Variants in GALNT13 observed in about 807,000 individuals in gnomAD.
GALNT13 encodes UDP-GalNAc:polypeptide N-acetylgalactosaminyltransferase 13.
A neutral mutation model predicts 64.2 loss-of-function variants in GALNT13; 28 were observed. The observed-to-expected ratio is 0.44, with a 90% confidence interval of 0.32 to 0.60. The LOEUF (loss-of-function observed/expected upper bound fraction) is 0.60, where lower values mean the gene tolerates loss of function less well. Ranked by LOEUF, GALNT13 falls within the 20% of genes least tolerant of loss-of-function variation. The pLI, the probability that GALNT13 is intolerant of heterozygous loss-of-function variation, is 0.05. For synonymous variants in GALNT13, 214 were observed against 224.6 expected, an observed-to-expected ratio of 0.95 and a Z score of 0.42; for missense variants, 577 against 669.8, an observed-to-expected ratio of 0.86 and a Z score of 1.53.
At chr2:153,866,809 T>C in the GALNT13 span, among the ~76,000 whole-genome samples, 2 of 152,194 alleles carry the variant, frequency 1.3e-5, no homozygotes, top group East Asian at 3.8e-4. Flanking sequence ...TTTTAAATGA[T>C]TGTGTAATAG....
intron 9 of GALNT13, among the ~76,000 whole-genome samples, chr2:154,309,768 C>A (rs894004366): frequency 1.3e-5 from 2 of 152,138 alleles, no homozygotes; most frequent in Non-Finnish European, 2.9e-5. Flanking sequence ...CAAACCACAG[C>A]AGCCTCCCTT....
chr2:154,218,832 G>C (rs1688180506), intron 4 of GALNT13, among the ~76,000 whole-genome samples: 2 of 151,874 alleles, frequency 1.3e-5, no homozygotes, highest in Non-Finnish European at 2.9e-5. Context: ...ATTGTCTGTT[G>C]ATTTTCCATT....
chr2:154,344,287 TGACA>T (rs1294969536), intron 9 of GALNT13, among the ~76,000 whole-genome samples: 1 of 109,510 alleles, frequency 9.1e-6, no homozygotes, highest in African/African-American at 2.7e-5. Flanking sequence ...TTGACTCGCC[TGACA>T]AAGACTTCCA....
chr2:153,803,162 C>G, the GALNT13 span, among the ~76,000 whole-genome samples: 2 of 152,266 alleles, frequency 1.3e-5, no homozygotes, highest in South Asian at 4.1e-4. Flanking sequence ...GTCTATGAGC[C>G]TCAAGCTCGT....
chr2:154,405,713 C>T lies in GALNT13; in HGVS notation c.1297-3271C>T, dbSNP rs569889419. On this transcript the variant is annotated intron_variant, in intron 10 of 12. Transcript: ENST00000392825. Reference sequence around the variant, plus strand: ...TGGGCGACAGAGTGAGACTGTATCTCGAAAAATAAAATAATGACTATAATT... The same window carrying T: ...TGGGCGACAGAGTGAGACTGTATCTTGAAAAATAAAATAATGACTATAATT... Among the ~76,000 whole-genome samples the T allele has an allele frequency of 9.9e-4, 150 of 151,562 alleles. 2 individuals carry two copies. Among genetic ancestry groups the T allele is most frequent in the Non-Finnish European group, 1.7e-3 (117 of 67,958 alleles).
At chr2:153,692,128 G>T in the GALNT13 span, among the ~76,000 whole-genome samples, 4 of 152,040 alleles carry the variant, frequency 2.6e-5, no homozygotes, top group Non-Finnish European at 4.4e-5. Flanking sequence ...AATGAAACAA[G>T]CACAAAGAAG....
At chr2:153,601,629 A>G in the GALNT13 span, among the ~76,000 whole-genome samples, 59 of 151,810 alleles carry the variant, frequency 3.9e-4, 1 homozygote, top group South Asian at 0.012. Context: ...TGTGGTTATA[A>G]ATGAAATGAA....
Position 153,910,428 on chromosome 2 carries a change from A to G in GALNT13, c.-105+9421A>G, listed in dbSNP as rs144193601. ...TTTTGAATGGTTTTTTTATGTGTCA[A>G]TCTCTTTCAGTTCAGCATTGATTAT... On this transcript the variant is annotated intron_variant, in intron 2 of 12. Transcript: ENST00000392825. Among the ~76,000 whole-genome samples the G allele has an allele frequency of 7.6e-3, 1,151 of 151,968 alleles. 11 individuals are homozygous for G. Among genetic ancestry groups the G allele is most frequent in the African/African-American group, 0.026 (1,083 of 41,502 alleles).
the GALNT13 span, among the ~76,000 whole-genome samples, chr2:153,801,165 T>C: frequency 5.9e-5 from 9 of 152,308 alleles, no homozygotes; most frequent in East Asian, 1.5e-3. Context: ...GTCCAGATCA[T>C]TCAAACTTTC....
At chr2:154,356,500 CAG>C (rs1438365874) in intron 9 of GALNT13, among the ~76,000 whole-genome samples, 4 of 152,002 alleles carry the variant, frequency 2.6e-5, no homozygotes, top group African/African-American at 9.6e-5. Context: ...GTGGATGTCA[CAG>C]AGTATTCTAC....
intron 2 of GALNT13, among the ~76,000 whole-genome samples, chr2:153,934,731 G>A (rs894181782): frequency 2.0e-5 from 3 of 152,152 alleles, no homozygotes; most frequent in African/African-American, 4.8e-5. Flanking sequence ...CTACTTACAT[G>A]GTGGGTTGCA....
the GALNT13 span, among the ~76,000 whole-genome samples, chr2:153,105,365 A>G: frequency 1.3e-5 from 2 of 152,146 alleles, no homozygotes; most frequent in Non-Finnish European, 2.9e-5. Context: ...TATTGATGGG[A>G]CGTATCTCAA....
chr2:153,721,935 C>G, the GALNT13 span, among the ~76,000 whole-genome samples: 2 of 149,996 alleles, frequency 1.3e-5, no homozygotes, highest in African/African-American at 5.0e-5. Flanking sequence ...AGGAATTGAA[C>G]TCAGCTCTGC....
the GALNT13 span, among the ~76,000 whole-genome samples, chr2:153,742,959 G>A: frequency 1.3e-4 from 18 of 138,084 alleles, no homozygotes; most frequent in South Asian, 1.0e-3. Flanking sequence ...TGAGAGGAGC[G>A]GAGGGGAGGG....
At chr2:154,376,344 A>T (rs1216327502) in intron 9 of GALNT13, among the ~76,000 whole-genome samples, 2 of 152,164 alleles carry the variant, frequency 1.3e-5, no homozygotes, top group African/African-American at 4.8e-5. Context: ...ATATAGTCAG[A>T]TAAGAACACG....
At chr2:153,355,611 A>T in the GALNT13 span, among the ~76,000 whole-genome samples, 3 of 152,216 alleles carry the variant, frequency 2.0e-5, no homozygotes, top group Admixed American at 2.0e-4. Context: ...ATCATTCCTG[A>T]TTTCAGTTTC....
chr2:153,722,993 C>T, the GALNT13 span, among the ~76,000 whole-genome samples: 1 of 152,178 alleles, frequency 6.6e-6, no homozygotes, highest in East Asian at 1.9e-4. Context: ...CGGGCAGAGA[C>T]ACAACCAAAA....
At chr2:153,588,093 G>T in the GALNT13 span, among the ~76,000 whole-genome samples, 21 of 152,198 alleles carry the variant, frequency 1.4e-4, no homozygotes, top group African/African-American at 5.1e-4. Context: ...GGTTCTCATG[G>T]TCTTGGACAG....
At chr2:153,625,877 T>A in the GALNT13 span, among the ~76,000 whole-genome samples, 1 of 152,058 alleles carries the variant, frequency 6.6e-6, no homozygotes. Flanking sequence ...AGCTTGCATG[T>A]AATACAAGTG....
Sources: gnomAD v4.1 joint callset for allele counts (sites outside exome capture counted in the v4.1 genomes callset) on GRCh38, gnomAD v4.1.1 for gene constraint, MANE v1.5 for transcripts, NCBI Gene and HGNC (gene_info 2026-07-23, HGNC 2026-07-21) for gene names.